The following LRP1B variants were observed in gnomAD, a reference collection of about 807,000 sequenced individuals.
The protein encoded by LRP1B is LDL receptor related protein 1B, also known as low-density lipoprotein receptor-related protein 1B.
In LRP1B, 217 loss-of-function variants were observed where a neutral mutation model predicts 556.6. That is an observed-to-expected ratio of 0.39 (90% CI 0.35 to 0.44). LRP1B has a LOEUF of 0.44. Among genes scored for constraint, LRP1B ranks in the 20% least tolerant of loss-of-function variants. The pLI is 1.00. For missense variants in LRP1B, 5,053 were observed against 5,620.8 expected (o/e 0.90, Z 3.23); for synonymous variants, 2,047 against 1,865.8 (o/e 1.10, Z -2.50).
intron 11 of LRP1B, among the ~76,000 whole-genome samples, chr2:141,034,252 T>C (rs898693121): frequency 1.3e-5 from 2 of 152,172 alleles, no homozygotes; most frequent in African/African-American, 4.8e-5. Flanking sequence ...TGATCGCTGA[T>C]GGTATATTTT....
chr2:141,365,292 G>C (rs1384284690), intron 3 of LRP1B, among the ~76,000 whole-genome samples: 3 of 152,024 alleles, frequency 2.0e-5, no homozygotes, highest in Non-Finnish European at 4.4e-5. Flanking sequence ...TGTATTCCAA[G>C]CCTCAAGTGA....
chr2:140,445,858 A>G (rs951737843), intron 63 of LRP1B, among the ~76,000 whole-genome samples: 41 of 152,118 alleles, frequency 2.7e-4, no homozygotes, highest in African/African-American at 9.7e-4. Context: ...TTATCTTTTG[A>G]CTAATGATTT....
At chr2:141,364,427 C>CAT (rs369856368) in intron 3 of LRP1B, among the ~76,000 whole-genome samples, 7 of 134,892 alleles carry the variant, frequency 5.2e-5, no homozygotes, top group African/African-American at 1.5e-4. Flanking sequence ...CACACACACA[C>CAT]ATATATATAT....
At chr2:141,705,705 G>T (rs1461272279) in intron 2 of LRP1B, among the ~76,000 whole-genome samples, 1 of 151,982 alleles carries the variant, frequency 6.6e-6, no homozygotes, top group Non-Finnish European at 1.5e-5. Context: ...CAGATGAGCT[G>T]CAAAGGCCTA....
intron 41 of LRP1B, among the ~76,000 whole-genome samples, chr2:140,665,236 C>G (rs1303268360): frequency 6.6e-6 from 1 of 152,070 alleles, no homozygotes; most frequent in Non-Finnish European, 1.5e-5. Context: ...ACGAAGTTGT[C>G]AAATATTTTT....
chr2:141,000,193 ACAGCTGTGAGC>A, intron 15 of LRP1B, among the ~76,000 whole-genome samples: 1 of 152,038 alleles, frequency 6.6e-6, no homozygotes, highest in East Asian at 1.9e-4. Context: ...TGTTGGGATT[ACAGCTGTGAGC>A]CACCACACTT....
At chr2:140,500,338 T>A (rs886351415) in intron 55 of LRP1B, among the ~76,000 whole-genome samples, 4 of 151,984 alleles carry the variant, frequency 2.6e-5, no homozygotes, top group Non-Finnish European at 4.4e-5. Context: ...TACCAGAAAT[T>A]CAGAACTTAA....
At chr2:141,282,464 T>TG (rs1306182205) in intron 3 of LRP1B, among the ~76,000 whole-genome samples, 107 of 144,488 alleles carry the variant, frequency 7.4e-4, no homozygotes, top group Admixed American at 1.4e-3. Flanking sequence ...TCTCGGGGGT[T>TG]TTATATGTAT....
At chr2:140,234,925 A>G (rs1392898924) in intron 89 of LRP1B, 41 bp from the exon 90 acceptor site, 2 of 748,980 alleles carry the variant, frequency 2.7e-6, no homozygotes, top group South Asian at 1.4e-5. Flanking sequence ...ATCTAATATT[A>G]TAGAATCACT....
At chr2:141,888,113 T>G (rs532109188) in intron 1 of LRP1B, among the ~76,000 whole-genome samples, 1 of 152,198 alleles carries the variant, frequency 6.6e-6, no homozygotes, top group East Asian at 1.9e-4. Flanking sequence ...ATGACTCTCA[T>G]CAGGAATTAT....
intron 83 of LRP1B, among the ~76,000 whole-genome samples, chr2:140,308,528 A>G (rs530288102): frequency 9.2e-5 from 14 of 151,912 alleles, no homozygotes; most frequent in Admixed American, 9.2e-4. Flanking sequence ...TCATTTGTCT[A>G]TGTGAACCAT....
chr2:140,542,668 G>C (rs1197513387), intron 43 of LRP1B, among the ~76,000 whole-genome samples: 1 of 152,144 alleles, frequency 6.6e-6, no homozygotes, highest in Non-Finnish European at 1.5e-5. Context: ...ACCAGAGAGA[G>C]ATTATAGGTA....
At chr2:141,351,711 A>G (rs1166785271) in intron 3 of LRP1B, among the ~76,000 whole-genome samples, 2 of 151,946 alleles carry the variant, frequency 1.3e-5, no homozygotes, top group African/African-American at 4.8e-5. Context: ...CATAATCAAT[A>G]CTCTAATAAC....
intron 2 of LRP1B, among the ~76,000 whole-genome samples, chr2:141,587,233 A>G (rs1687174181): frequency 6.6e-6 from 1 of 152,214 alleles, no homozygotes; most frequent in South Asian, 2.1e-4. Context: ...CTCTATATCT[A>G]CCAGATGTAT....
At chr2:140,735,694 T>TACAGCAC (rs1264595511) in intron 35 of LRP1B, among the ~76,000 whole-genome samples, 7 of 152,150 alleles carry the variant, frequency 4.6e-5, no homozygotes, top group Non-Finnish European at 1.0e-4. Context: ...TGCTGGTAGA[T>TACAGCAC]ATTACAGAAA....
At chr2:140,847,170 C>T (rs1692297790) in intron 29 of LRP1B, among the ~76,000 whole-genome samples, 1 of 152,180 alleles carries the variant, frequency 6.6e-6, no homozygotes, top group South Asian at 2.1e-4. Flanking sequence ...TAACAGCCAA[C>T]TAATCTGTCT....
intron 15 of LRP1B, among the ~76,000 whole-genome samples, 157 bp from the exon 16 acceptor site, chr2:140,994,292 T>C (rs1301872735): frequency 6.6e-6 from 1 of 151,978 alleles, no homozygotes; most frequent in Non-Finnish European, 1.5e-5. Flanking sequence ...CTGAGCACAA[T>C]GTCATCCAGG....
At chr2:141,553,225 T>A (rs568041226) in intron 2 of LRP1B, among the ~76,000 whole-genome samples, 1 of 152,056 alleles carries the variant, frequency 6.6e-6, no homozygotes, top group African/African-American at 2.4e-5. Flanking sequence ...GAGGGCGTTT[T>A]CTAAGATCAA....
chr2:140,949,179 A>G (rs919157435), intron 20 of LRP1B, among the ~76,000 whole-genome samples: 3 of 152,238 alleles, frequency 2.0e-5, no homozygotes, highest in African/African-American at 7.2e-5. Flanking sequence ...AGCAGATGCC[A>G]TATGTTTTCA....
Sources: gnomAD v4.1 joint callset for allele counts (sites outside exome capture counted in the v4.1 genomes callset) on GRCh38, gnomAD v4.1.1 for gene constraint, MANE v1.5 for transcripts, NCBI Gene and HGNC (gene_info 2026-07-23, HGNC 2026-07-21) for gene names.